The following PRKN variants were observed in gnomAD, a reference collection of about 807,000 sequenced individuals.
PRKN encodes the protein E3 ubiquitin-protein ligase parkin.
PRKN carries 56 observed loss-of-function variants against 59.5 expected under a neutral mutation model. The observed-to-expected ratio is 0.94, with a 90% CI of 0.76 to 1.18. The LOEUF (loss-of-function observed/expected upper bound fraction) is 1.18, where lower values mean the gene tolerates loss of function less well. Ranked by LOEUF, PRKN falls within the 50% of genes most tolerant of loss-of-function variation. The pLI is 0.00. For synonymous variants in PRKN, 250 were observed against 222.1 expected (o/e 1.13, Z -1.12); for missense variants, 657 against 596.4 (o/e 1.10, Z -1.06).
Position 161,518,544 on chromosome 6 carries a change from C to T in PRKN, c.1083+30310G>A, listed in dbSNP as rs1038968615. ...TGGGTGAGAGCTGAACCGAGGCTCA[C>T]ATCTGCCCTTGCTGGGTTCCACCAC... On this transcript the variant is annotated intron_variant, in intron 9 of 11. Coordinates refer to ENST00000366898, the MANE Select transcript of PRKN (RefSeq NM_004562.3). The surrounding 1 kb of genome is among the most constrained non-coding windows in gnomAD (Gnocchi z 5.0). Among the ~76,000 whole-genome samples the T allele has an allele frequency of 3.3e-5, 5 of 152,194 alleles. No homozygotes were observed. The highest frequency in any genetic ancestry group is 1.3e-4 in the Admixed American group (2 of 15,282).
rs570770916 is a variant in PRKN at position 162,646,486 on chromosome 6, G to A, written c.7+81176C>T. Among the ~76,000 whole-genome samples the A allele has an allele frequency of 2.8e-4, 43 of 151,972 alleles. 1 individual carries two copies. The highest frequency in any genetic ancestry group is 2.8e-3 in the Admixed American group (43 of 15,258). ...TTTGTAGAGATGCAGGTCTCGATAT[G>A]TTGCCCAGGCTGGTCTCAAACTCCT... On this transcript the variant is annotated intron_variant, in intron 1 of 11. Transcript: ENST00000366898.
intron 6 of PRKN, among the ~76,000 whole-genome samples, chr6:161,873,285 A>C (rs901809835): frequency 6.7e-4 from 102 of 151,850 alleles, no homozygotes; most frequent in African/African-American, 2.4e-3. Flanking sequence ...CTCCTACCCC[A>C]GACACTCATT....
chr6:162,048,550 G>A (rs1461361827), intron 5 of PRKN, among the ~76,000 whole-genome samples: 1 of 151,962 alleles, frequency 6.6e-6, no homozygotes, highest in Non-Finnish European at 1.5e-5. Context: ...GCCTATGTGT[G>A]CCCAAGTAAG....
chr6:162,556,526 A>G (rs1432510243), intron 1 of PRKN, among the ~76,000 whole-genome samples: 1 of 151,292 alleles, frequency 6.6e-6, no homozygotes, highest in Admixed American at 6.6e-5. Flanking sequence ...AGGCGGGGGG[A>G]TCACGAAATC....
At chr6:162,305,145 C>A (rs1486837870) in intron 2 of PRKN, among the ~76,000 whole-genome samples, 1 of 152,026 alleles carries the variant, frequency 6.6e-6, no homozygotes, top group Admixed American at 6.6e-5. Flanking sequence ...AAGACTTGAA[C>A]TGAATTTAGA....
intron 7 of PRKN, among the ~76,000 whole-genome samples, chr6:161,716,464 A>G (rs1786982699): frequency 6.6e-6 from 1 of 152,100 alleles, no homozygotes; most frequent in East Asian, 1.9e-4. Flanking sequence ...ACTATGAACA[A>G]AAAAAATGCT....
rs1408216978 is a variant in PRKN, at chr6:161,456,443, C to T, written c.1084-69566G>A. Among the ~76,000 whole-genome samples the T allele has an allele frequency of 3.3e-5, 5 of 152,178 alleles. No individual in the cohort carries two copies. The highest frequency in any genetic ancestry group is 2.6e-4 in the Admixed American group (4 of 15,278). ...GGCCACAGACTGAAGGCTGCACTGT[C>T]GGCTTCCCTACTTTTGAGGTTTTGG... On this transcript the variant is annotated intron_variant, in intron 9 of 11. Coordinates refer to ENST00000366898, the MANE Select transcript of PRKN (RefSeq NM_004562.3). This position sits in a 1 kb window ranked among gnomAD's most constrained non-coding sequence, Gnocchi z 4.8.
intron 7 of PRKN, among the ~76,000 whole-genome samples, chr6:161,615,023 T>G (rs1782639751): frequency 6.6e-6 from 1 of 151,988 alleles, no homozygotes; most frequent in Non-Finnish European, 1.5e-5. Flanking sequence ...TATATTTCTA[T>G]GAGATGCTGG....
rs537647742 is a variant in PRKN at position 161,530,979 on chromosome 6, G to A, written c.1083+17875C>T. Among the ~76,000 whole-genome samples, 3 of 152,060 alleles carry A rather than the reference G, an allele frequency of 2.0e-5. No individual in the cohort carries two copies. The highest frequency in any genetic ancestry group is 7.2e-5 in the African/African-American group (3 of 41,382). ...CAGTTTCATATTTTCAACTACCTACGGGATATTTTATTGCTTCAAACAGAA... is the reference window on the plus strand; with the variant it reads ...CAGTTTCATATTTTCAACTACCTACAGGATATTTTATTGCTTCAAACAGAA... On this transcript the variant is annotated intron_variant, in intron 9 of 11. Transcript: ENST00000366898. The surrounding 1 kb of genome is among the most constrained non-coding windows in gnomAD (Gnocchi z 5.0).
At chr6:161,479,623 C>T (rs544988128) in intron 9 of PRKN, among the ~76,000 whole-genome samples, 13 of 152,186 alleles carry the variant, frequency 8.5e-5, no homozygotes, top group Admixed American at 2.0e-4. Context: ...CCGGGGAAGA[C>T]GACAGTCAAG....
chr6:162,439,010 G>A (rs1283832740), intron 2 of PRKN, among the ~76,000 whole-genome samples: 2 of 152,040 alleles, frequency 1.3e-5, no homozygotes, highest in African/African-American at 4.8e-5. Flanking sequence ...TTTGGACCGT[G>A]TCATTTCTAT....
At chr6:161,609,621 T>C (rs1020982198) in intron 7 of PRKN, among the ~76,000 whole-genome samples, 3 of 152,210 alleles carry the variant, frequency 2.0e-5, no homozygotes, top group African/African-American at 7.2e-5. Flanking sequence ...AAAGTTGAGC[T>C]GGGCCTGAGA....
Position 161,548,238 on chromosome 6 carries a change from G to A in PRKN, c.1083+616C>T, listed in dbSNP as rs1369465268. 6.6e-6 allele frequency among the ~76,000 whole-genome samples: 1 copy of A among 152,030 alleles called. No homozygotes were observed. The highest frequency in any genetic ancestry group is 2.4e-5 in the African/African-American group (1 of 41,380). On this transcript the variant is annotated intron_variant, in intron 9 of 11. Transcript: ENST00000366898. This position sits in a 1 kb window ranked among gnomAD's most constrained non-coding sequence, Gnocchi z 4.2. ...TTTGAGTTATGCTTCTTCCCCCCTT[G>A]AGCCATCAGCTTGCAGCCATAGATT...
At chr6:162,089,296 A>G (rs983288189) in intron 4 of PRKN, among the ~76,000 whole-genome samples, 2 of 152,204 alleles carry the variant, frequency 1.3e-5, no homozygotes, top group Non-Finnish European at 2.9e-5. Context: ...ACTCTTGAAA[A>G]GAAGATCAGC....
intron 1 of PRKN, among the ~76,000 whole-genome samples, chr6:162,680,226 A>G (rs1160390432): frequency 1.3e-5 from 2 of 151,156 alleles, no homozygotes; most frequent in African/African-American, 2.4e-5. Flanking sequence ...GTTTATATGT[A>G]CTATGTACAT....
At chr6:161,586,278 A>G (rs1663228241) in intron 7 of PRKN, among the ~76,000 whole-genome samples, 1 of 152,136 alleles carries the variant, frequency 6.6e-6, no homozygotes, top group African/African-American at 2.4e-5. Context: ...TCAGCCTCCC[A>G]CAGCACTGGG....
At chr6:161,807,270 C>T (rs1441241088) in intron 6 of PRKN, among the ~76,000 whole-genome samples, 2 of 152,176 alleles carry the variant, frequency 1.3e-5, no homozygotes, top group Admixed American at 6.5e-5. Flanking sequence ...CACACACATA[C>T]ACACATAAAC....
chr6:162,336,050 G>A (rs535217321), intron 2 of PRKN, among the ~76,000 whole-genome samples: 1 of 151,868 alleles, frequency 6.6e-6, no homozygotes, highest in South Asian at 2.1e-4. Flanking sequence ...ACCTCTACAG[G>A]GTAAGCAAGG....
chr6:161,916,607 T>C (rs1778567517), intron 6 of PRKN, among the ~76,000 whole-genome samples: 1 of 152,162 alleles, frequency 6.6e-6, no homozygotes. Flanking sequence ...TAAGCTAAAA[T>C]TGGCCCTTTA....
Sources: allele counts gnomAD v4.1 joint callset (sites outside exome capture counted in the v4.1 genomes callset), GRCh38; gene constraint gnomAD v4.1.1; non-coding constraint Gnocchi (gnomAD v3.1); transcripts MANE v1.5; gene names NCBI Gene and HGNC (gene_info 2026-07-23, HGNC 2026-07-21).